Variants in MMP16 observed in about 807,000 individuals in gnomAD.
MMP16 encodes matrix metallopeptidase 16.
Under a neutral mutation model 67.8 loss-of-function variants are expected in MMP16, and 12 were observed. The ratio of observed to expected loss-of-function variants is 0.18; its 90% CI spans 0.11 to 0.29. MMP16 has a LOEUF of 0.29. Among genes scored for constraint, MMP16 ranks in the 10% least tolerant of loss-of-function variants. The pLI, the probability that MMP16 is intolerant of heterozygous loss-of-function variation, is 1.00. For synonymous variants in MMP16, 249 were observed against 255.9 expected (o/e 0.97, Z 0.26); for missense variants, 475 against 765.7 (o/e 0.62, Z 4.48).
chr8:88,096,111 T>C (rs1809021550), intron 6 of MMP16, among the ~76,000 whole-genome samples: 1 of 151,990 alleles, frequency 6.6e-6, no homozygotes, highest in Non-Finnish European at 1.5e-5. Context: ...AAGAAGAACG[T>C]TGTTTATTGA....
intron 4 of MMP16, among the ~76,000 whole-genome samples, chr8:88,165,714 G>A (rs562941968): frequency 3.3e-5 from 5 of 152,164 alleles, no homozygotes; most frequent in African/African-American, 9.6e-5. Context: ...TAGATGCTCA[G>A]GTATAGAGTA....
At chr8:88,049,508 T>G (rs1035012557) in intron 8 of MMP16, among the ~76,000 whole-genome samples, 1 of 152,138 alleles carries the variant, frequency 6.6e-6, no homozygotes, top group African/African-American at 2.4e-5. Flanking sequence ...ACAAAGTGTC[T>G]TGCAGAGAAA....
chr8:88,243,916 C>A (rs745714577), intron 1 of MMP16, among the ~76,000 whole-genome samples: 11 of 151,848 alleles, frequency 7.2e-5, no homozygotes, highest in Non-Finnish European at 1.3e-4. Flanking sequence ...TCATTTGAGT[C>A]AAAGTATCAA....
intron 1 of MMP16, among the ~76,000 whole-genome samples, chr8:88,231,407 A>T (rs1402356645): frequency 6.6e-6 from 1 of 152,188 alleles, no homozygotes; most frequent in Non-Finnish European, 1.5e-5. Context: ...CTGGAAGTTG[A>T]ATCCAAAATT....
At chr8:88,229,963 T>A (rs1283904802) in intron 1 of MMP16, among the ~76,000 whole-genome samples, 1 of 152,102 alleles carries the variant, frequency 6.6e-6, no homozygotes, top group Admixed American at 6.6e-5. Context: ...CTTTCCTCCA[T>A]GTATAATAGT....
chr8:88,231,123 T>G (rs1049023783), intron 1 of MMP16, among the ~76,000 whole-genome samples: 1 of 152,184 alleles, frequency 6.6e-6, no homozygotes. Context: ...TTGCTTGAAA[T>G]AGCTGTAATA....
At chr8:88,178,494 T>C (rs1808928766) in intron 3 of MMP16, among the ~76,000 whole-genome samples, 1 of 152,150 alleles carries the variant, frequency 6.6e-6, no homozygotes, top group Non-Finnish European at 1.5e-5. Context: ...AAAAAAGAAT[T>C]GAAATGAATG....
At chr8:88,305,667 T>A (rs543706753) in intron 1 of MMP16, among the ~76,000 whole-genome samples, 1 of 152,146 alleles carries the variant, frequency 6.6e-6, no homozygotes, top group Non-Finnish European at 1.5e-5. Flanking sequence ...GGAAATTGAA[T>A]AACCTGCTCC....
Position 88,035,635 on chromosome 8 carries a change from TATAA to T in MMP16, c.*5822_*5825del, listed in dbSNP as rs1374187653. 2 of 152,036 alleles carry T rather than the reference TATAA, an allele frequency of 1.3e-5. No individual in the cohort carries two copies. Among genetic ancestry groups the T allele is most frequent in the Admixed American group, 6.6e-5 (1 of 15,238 alleles). 9.4% of individuals were successfully genotyped at this position (152,036 alleles called of 1,614,324 possible). ...TCTGTGATCTTATATCCTTACTTAG[TATAA>T]ATAAATAATATTGTTCTAATAAATG... On this transcript the variant is annotated 3_prime_UTR_variant, in exon 10 of 10. Transcript: ENST00000286614. This position sits in a 1 kb window ranked among gnomAD's most constrained non-coding sequence, Gnocchi z 4.7.
intron 6 of MMP16, among the ~76,000 whole-genome samples, chr8:88,102,586 A>G (rs1229554823): frequency 1.3e-5 from 2 of 151,754 alleles, no homozygotes; most frequent in Non-Finnish European, 2.9e-5. Context: ...ATTAACCTTC[A>G]GTCCCTCTCC....
chr8:88,108,472 C>T lies in MMP16; in HGVS notation c.1083+8035G>A, dbSNP rs552448928. 2.3e-4 allele frequency among the ~76,000 whole-genome samples: 35 copies of T among 151,310 alleles called. 1 individual carries two copies. The South Asian group carries it at 6.8e-3, about 30-fold the overall frequency. ...GACACTAAGCATTTGTCTATTTTCC[C>T]TGACAATGGTTACTATATGTTTCAA... On this transcript the variant is annotated intron_variant, in intron 6 of 9. Transcript: ENST00000286614.
intron 4 of MMP16, among the ~76,000 whole-genome samples, chr8:88,119,863 C>T (rs1180216823): frequency 6.6e-6 from 1 of 151,948 alleles, no homozygotes; most frequent in African/African-American, 2.4e-5. Flanking sequence ...GAATACTTGC[C>T]ACAAATGCAA....
intron 2 of MMP16, among the ~76,000 whole-genome samples, chr8:88,189,164 G>A (rs545304362): frequency 6.6e-6 from 1 of 152,108 alleles, no homozygotes; most frequent in African/African-American, 2.4e-5. Flanking sequence ...ATAAAAGAAA[G>A]TATGGATTAG....
intron 8 of MMP16, among the ~76,000 whole-genome samples, chr8:88,049,348 A>G (rs1050141281): frequency 3.9e-5 from 6 of 152,226 alleles, no homozygotes; most frequent in Non-Finnish European, 8.8e-5. Context: ...ATTTCTGAAT[A>G]TTCTTCTCCC....
At chr8:88,308,317 G>A (rs115289979) in intron 1 of MMP16, among the ~76,000 whole-genome samples, 73 of 152,170 alleles carry the variant, frequency 4.8e-4, no homozygotes, top group African/African-American at 1.6e-3. Flanking sequence ...CTAAGACGTA[G>A]GAGGCATCAC....
chr8:88,258,020 A>G (rs561640625), intron 1 of MMP16, among the ~76,000 whole-genome samples: 4 of 151,612 alleles, frequency 2.6e-5, no homozygotes, highest in Non-Finnish European at 4.4e-5. Flanking sequence ...AAGCTAGAAA[A>G]GTCAAAATGC....
At chr8:88,205,109 T>C (rs977114100) in intron 1 of MMP16, among the ~76,000 whole-genome samples, 2 of 152,230 alleles carry the variant, frequency 1.3e-5, no homozygotes, top group Admixed American at 6.5e-5. Context: ...TTACATGCAT[T>C]ATCTTTAATC....
At chr8:88,074,518 T>C (rs752804937) in intron 7 of MMP16, 87 bp downstream of exon 7, 156 of 1,201,558 alleles carry the variant, frequency 1.3e-4, no homozygotes, top group Non-Finnish European at 1.7e-4. Flanking sequence ...GGCTATGTAA[T>C]CTCATTTCAT....
At chr8:88,267,914 T>A (rs747969595) in intron 1 of MMP16, among the ~76,000 whole-genome samples, 2 of 152,190 alleles carry the variant, frequency 1.3e-5, no homozygotes, top group Non-Finnish European at 2.9e-5. Context: ...GTGAATGAAG[T>A]GGTCAAAACA....
Sources: gnomAD v4.1 joint callset for allele counts (sites outside exome capture counted in the v4.1 genomes callset) on GRCh38, gnomAD v4.1.1 for gene constraint, Gnocchi (gnomAD v3.1) non-coding constraint, MANE v1.5 for transcripts, NCBI Gene and HGNC (gene_info 2026-07-23, HGNC 2026-07-21) for gene names.